The following WWP1 variants were observed in gnomAD, a reference collection of about 807,000 sequenced individuals.
WWP1 encodes WW domain containing E3 ubiquitin protein ligase 1.
Under a neutral mutation model 130.6 loss-of-function variants are expected in WWP1, and 49 were observed. The ratio of observed to expected loss-of-function variants is 0.38; its 90% CI spans 0.30 to 0.48. The LOEUF (loss-of-function observed/expected upper bound fraction) is 0.48. Ranked by LOEUF, WWP1 falls within the 20% of genes least tolerant of loss-of-function variation. The probability of loss-of-function intolerance (pLI) is 0.99; values close to 1 mark genes in which losing one functional copy is unlikely to be tolerated. For missense variants in WWP1, 809 were observed against 1,100.6 expected (o/e 0.74, Z 3.75); for synonymous variants, 332 against 367.8 (o/e 0.90, Z 1.11).
At chr8:86,458,050 A>G (rs544224622) in intron 22 of WWP1, 25 bp downstream of exon 22, 2 of 1,572,080 alleles carry the variant, frequency 1.3e-6, no homozygotes, top group East Asian at 2.2e-5. Context: ...CTTTTTTGAA[A>G]CAAAGTACTC....
chr8:86,375,370 A>C (rs544726268), intron 3 of WWP1, among the ~76,000 whole-genome samples: 28 of 152,260 alleles, frequency 1.8e-4, no homozygotes, highest in African/African-American at 6.7e-4. Flanking sequence ...AAACCAAGGT[A>C]CATTTAGAGA....
At chr8:86,389,923 T>G (rs1276436391) in intron 5 of WWP1, among the ~76,000 whole-genome samples, 1 of 149,754 alleles carries the variant, frequency 6.7e-6, no homozygotes, top group Non-Finnish European at 1.5e-5. Flanking sequence ...GCGGAGACGC[T>G]CCTCACTTCC....
chr8:86,457,161 A>G lies in WWP1; in HGVS notation c.2395-760A>G, dbSNP rs1294572511. On this transcript the variant is annotated intron_variant, in intron 21 of 24. Coordinates refer to ENST00000517970, the MANE Select transcript of WWP1 (RefSeq NM_007013.4). ...ACCTCAAAGTTGACTTACGAAAAAAACTAAGAGATTAAGTATTACATATTT... is the reference window on the plus strand; with the variant it reads ...ACCTCAAAGTTGACTTACGAAAAAAGCTAAGAGATTAAGTATTACATATTT... 2.6e-5 allele frequency among the ~76,000 whole-genome samples: 4 copies of G among 152,074 alleles called. No homozygotes were observed. In the South Asian group the frequency reaches 6.2e-4, roughly 24 times the overall value.
intron 14 of WWP1, among the ~76,000 whole-genome samples, chr8:86,434,559 T>A (rs996791896): frequency 2.6e-5 from 4 of 152,194 alleles, no homozygotes; most frequent in African/African-American, 4.8e-5. Flanking sequence ...TCACTCCTTA[T>A]ACTTTGTCCT....
At chr8:86,433,833 G>A (rs1289060280) in intron 14 of WWP1, among the ~76,000 whole-genome samples, 2 of 152,080 alleles carry the variant, frequency 1.3e-5, no homozygotes, top group African/African-American at 2.4e-5. Flanking sequence ...CAGGAGAATC[G>A]CTTGAACCCA....
At chr8:86,360,741 A>G (rs972241621) in intron 1 of WWP1, among the ~76,000 whole-genome samples, 2 of 152,198 alleles carry the variant, frequency 1.3e-5, no homozygotes, top group East Asian at 3.9e-4. Context: ...CTTACCTTGC[A>G]GAGTTGGGGG....
intron 1 of WWP1, among the ~76,000 whole-genome samples, chr8:86,361,080 G>T (rs1212469259): frequency 6.6e-6 from 1 of 152,150 alleles, no homozygotes. Flanking sequence ...ATGAGAGAAC[G>T]TTGGAAACAG....
intron 1 of WWP1, among the ~76,000 whole-genome samples, chr8:86,362,051 C>CAT (rs1469189835): frequency 1.4e-4 from 9 of 63,786 alleles, no homozygotes; most frequent in African/African-American, 5.2e-4. Context: ...TATATACACA[C>CAT]ATATATACAC....
At chr8:86,415,080 C>A (rs182081916) in intron 9 of WWP1, among the ~76,000 whole-genome samples, 1 of 152,222 alleles carries the variant, frequency 6.6e-6, no homozygotes, top group East Asian at 1.9e-4. Context: ...AGTTCCAGAA[C>A]TGAAGAAGAA....
intron 24 of WWP1, among the ~76,000 whole-genome samples, chr8:86,462,139 G>T (rs1426840915): frequency 6.6e-6 from 1 of 152,080 alleles, no homozygotes; most frequent in Non-Finnish European, 1.5e-5. Context: ...CCATGGTGGG[G>T]CACAAATGAC....
chr8:86,406,446 C>G (rs570865835), intron 8 of WWP1, among the ~76,000 whole-genome samples: 1 of 152,208 alleles, frequency 6.6e-6, no homozygotes, highest in East Asian at 1.9e-4. Context: ...TACATGATAT[C>G]ACAAGTTTAT....
intron 21 of WWP1, among the ~76,000 whole-genome samples, chr8:86,457,425 G>GTCTA (rs746203287): frequency 2.3e-3 from 346 of 150,652 alleles, no homozygotes; most frequent in African/African-American, 7.7e-3. Context: ...CTGTCTGTCT[G>GTCTA]TCTGTCTATC....
rs780803256 is a variant in WWP1 at position 86,438,601 on chromosome 8, C to G, written c.1766C>G (p.Pro589Arg). 1.2e-6 allele frequency: 2 copies of G among 1,605,392 alleles called. No homozygotes were observed. Among genetic ancestry groups the G allele is most frequent in the Non-Finnish European group, 1.7e-6 (2 of 1,177,458 alleles). Reference protein sequence around the residue: ...DSFQQIMALKPYDLRRRLYVI... With the variant: ...DSFQQIMALKRYDLRRRLYVI... ...TTTAATTAGATTATGGCATTAAAAC[C>G]CTATGACTTGAGGAGGCGCTTATAT... is the stretch of plus-strand genomic sequence containing the variant. Residue 589 changes from proline to arginine, a missense_variant, in exon 17 of 25, where the codon CCC (proline) becomes CGC (arginine). Physicochemically the swap from Pro to Arg is moderately radical, Grantham distance 103. Around this residue, in one of 3 missense-constraint regions of WWP1, gnomAD observed 450 missense variants for 674.2 expected, o/e 0.67. Coordinates refer to ENST00000517970, the MANE Select transcript of WWP1 (RefSeq NM_007013.4).
intron 9 of WWP1, among the ~76,000 whole-genome samples, chr8:86,418,734 T>C (rs1359950878): frequency 2.0e-5 from 3 of 152,170 alleles, no homozygotes; most frequent in African/African-American, 7.2e-5. Flanking sequence ...ACCAGGCACA[T>C]TGGAGGTCAG....
At chr8:86,364,426 G>A (rs1422425393) in intron 1 of WWP1, among the ~76,000 whole-genome samples, 2 of 152,154 alleles carry the variant, frequency 1.3e-5, no homozygotes, top group Non-Finnish European at 2.9e-5. Flanking sequence ...GCATTTTAAT[G>A]TAAGAATATG....
intron 1 of WWP1, among the ~76,000 whole-genome samples, chr8:86,355,502 A>T (rs1329083479): frequency 6.6e-6 from 1 of 152,234 alleles, no homozygotes; most frequent in African/African-American, 2.4e-5. Flanking sequence ...TTAAAATATC[A>T]GTTTGAATAA....
At chr8:86,422,937 T>TA (rs1809311085) in intron 9 of WWP1, among the ~76,000 whole-genome samples, 2 of 152,128 alleles carry the variant, frequency 1.3e-5, no homozygotes, top group South Asian at 4.1e-4. Flanking sequence ...TATCACCACA[T>TA]ATTTCTTTAA....
chr8:86,423,682 T>C (rs1156851536), intron 9 of WWP1, among the ~76,000 whole-genome samples: 1 of 152,182 alleles, frequency 6.6e-6, no homozygotes, highest in Non-Finnish European at 1.5e-5. Context: ...TTTCCCCCTT[T>C]TCTATTCCAC....
At chr8:86,365,116 A>T (rs1413358016) in intron 1 of WWP1, among the ~76,000 whole-genome samples, 1 of 152,192 alleles carries the variant, frequency 6.6e-6, no homozygotes, top group Admixed American at 6.5e-5. Flanking sequence ...TCAGAAAAAA[A>T]TCTATGTATT....
Sources: gnomAD v4.1 joint callset for allele counts (sites outside exome capture counted in the v4.1 genomes callset) on GRCh38, gnomAD v4.1.1 for gene constraint, gnomAD v4.1.1 regional missense constraint, MANE v1.5 for transcripts, NCBI Gene and HGNC (gene_info 2026-07-23, HGNC 2026-07-21) for gene names.